The following HERC1 variants were observed in gnomAD, a reference collection of about 807,000 sequenced individuals.
HERC1 encodes probable E3 ubiquitin-protein ligase HERC1.
Under a neutral mutation model 554.3 loss-of-function variants are expected in HERC1, and 160 were observed. That is an observed-to-expected ratio of 0.29 (90% CI 0.25 to 0.33). The LOEUF is 0.33. HERC1 is among the 10% of genes least tolerant of loss of function. HERC1 has a pLI of 1.00. For synonymous variants in HERC1, 2,175 were observed against 2,131.7 expected (o/e 1.02, Z -0.56); for missense variants, 4,919 against 5,918.5 (o/e 0.83, Z 5.54).
intron 1 of HERC1, among the ~76,000 whole-genome samples, chr15:63,811,110 C>T (rs1406098610): frequency 1.3e-5 from 2 of 151,572 alleles, no homozygotes; most frequent in Non-Finnish European, 2.9e-5. Flanking sequence ...GATCCTGGAC[C>T]CGAAAAAAAC....
rs149515322 is a variant in HERC1 at position 63,608,648 on chromosome 15, C to T, written c.*433G>A. ...TTCCTGAATCTGCTTTATTTCTCTG[C>T]ATAAGGAACCCTGAACAGGCAATTC... On this transcript the variant is annotated 3_prime_UTR_variant, in exon 78 of 78. Transcript: ENST00000443617. 7.9e-3 allele frequency: 1,227 copies of T among 155,854 alleles called. 10 individuals carry two copies. Among genetic ancestry groups the T allele is most frequent in the Non-Finnish European group, 0.011 (802 of 70,118 alleles). 9.7% of individuals were successfully genotyped at this position (155,854 alleles called of 1,614,324 possible).
rs1248182157 is a variant in HERC1, at chr15:63,674,744, T to C, written c.7444A>G (p.Thr2482Ala). The C allele has an allele frequency of 3.1e-6, 5 of 1,613,692 alleles. No homozygotes were observed. The highest frequency in any genetic ancestry group is 1.3e-5 in the African/African-American group (1 of 74,900). ...TCATGATTTTTTCTTTTCCCTTCTG[T>C]TATTTGATGTTGGGATTCCACACTT... ...LPSVESQHQI[T>A]EGKRKNHEHM... The change falls in exon 38 of 78, where the codon ACA (threonine) becomes GCA (alanine). Residue 2482 changes from threonine to alanine, a missense_variant. Thr to Ala is a moderately conservative substitution (Grantham distance 58). This residue lies in a region of HERC1 where 1,963 missense variants were observed against 2,228.6 expected (regional missense o/e 0.88). Coordinates refer to ENST00000443617, the MANE Select transcript of HERC1 (RefSeq NM_003922.4).
In HERC1 at chr15:63,635,860, A is replaced by G. The variant is rs538080246; in HGVS notation, c.12414+101T>C. ...AATGGATCTCTTATAATTACTGTGT[A>G]ATATATTTTTACTATATTTTCTGTT... On this transcript the variant is annotated intron_variant, in intron 65 of 77. Coordinates refer to ENST00000443617, the MANE Select transcript of HERC1 (RefSeq NM_003922.4). 5.8e-6 allele frequency: 7 copies of G among 1,206,898 alleles called. No homozygotes were observed. In the African/African-American group the frequency reaches 1.1e-4, roughly 18 times the overall value. The allele number at this position is 1,206,898 out of a possible 1,614,324, so 74.8% of individuals were successfully genotyped here. A position where few individuals can be genotyped will look rare whatever the true frequency, so the allele number is the denominator to read the frequency against.
chr15:63,692,465 A>T lies in HERC1; in HGVS notation c.5776T>A (p.Ser1926Thr). The T allele has an allele frequency of 2.5e-6, 4 of 1,613,340 alleles. No individual in the cohort carries two copies. The highest frequency in any genetic ancestry group is 3.4e-6 in the Non-Finnish European group (4 of 1,179,690). The change falls in exon 31 of 78, where the codon TCC becomes ACC. Residue 1926 changes from serine to threonine, a missense_variant. Transcript: ENST00000443617. This position sits in a 1 kb window ranked among gnomAD's most constrained non-coding sequence, Gnocchi z 4.7. Reference protein sequence around the residue: ...SSKAIQSKMASPKWTEVLLNI... With the variant: ...SSKAIQSKMATPKWTEVLLNI... ...AGAAGCACTTCGGTCCACTTTGGGGAAGCCATTTTTGATTGAATTGCTTTT... is the reference window on the plus strand; with the variant it reads ...AGAAGCACTTCGGTCCACTTTGGGGTAGCCATTTTTGATTGAATTGCTTTT...
At chr15:63,766,354 G>A (rs1407551515) in intron 2 of HERC1, among the ~76,000 whole-genome samples, 8 of 152,056 alleles carry the variant, frequency 5.3e-5, no homozygotes, top group Non-Finnish European at 8.8e-5. Context: ...TTGGGAGGCT[G>A]AGGTGGGCAG....
In HERC1 at chr15:63,624,110, T is replaced by C. The variant is rs751745649; in HGVS notation, c.13445+48A>G. 16 of 1,496,480 alleles carry C rather than the reference T, an allele frequency of 1.1e-5. No homozygotes were observed. In the East Asian group the frequency reaches 3.6e-4, roughly 34 times the overall value. 92.7% of individuals were successfully genotyped at this position (1,496,480 alleles called of 1,614,324 possible). A position where few individuals can be genotyped will look rare whatever the true frequency, so the allele number is the denominator to read the frequency against. ...TCACAGAAATTAGTAATAACATCCA[T>C]CTGAAAAAATCACAGCTCATTAGTC... On this transcript the variant is annotated intron_variant, in intron 72 of 77. Transcript: ENST00000443617.
At chr15:63,642,148 G>A (rs2069096952) in intron 59 of HERC1, among the ~76,000 whole-genome samples, 1 of 152,134 alleles carries the variant, frequency 6.6e-6, no homozygotes. Context: ...AATCAAATCA[G>A]CACATCGGCT....
chr15:63,764,175 C>T lies in HERC1; in HGVS notation c.947G>A (p.Arg316Gln), dbSNP rs942202203. ...TCTGGTTGGTTCTCTCCACTGACTC[C>T]GATCAGCAGATGAACCCTATAATTA... ...MRRSLGSSAD[R>Q]SQWREPTRTS... Residue 316 changes from arginine to glutamine, a missense_variant, in exon 3 of 78, where the codon CGG (arginine) becomes CAG (glutamine). Arg to Gln is a conservative substitution (Grantham distance 43). Around this residue, in one of 11 missense-constraint regions of HERC1, gnomAD observed 744 missense variants for 1,090.0 expected, o/e 0.68. Transcript: ENST00000443617. 16 of 1,608,652 alleles carry T rather than the reference C, an allele frequency of 9.9e-6. No individual in the cohort carries two copies. Among genetic ancestry groups the T allele is most frequent in the South Asian group, 6.7e-5 (6 of 90,054 alleles).
In HERC1 at chr15:63,694,505, C is replaced by T. The variant is rs1404728534; in HGVS notation, c.5287G>A (p.Val1763Ile). 3 of 1,614,040 alleles carry T rather than the reference C, an allele frequency of 1.9e-6. No individual in the cohort carries two copies. Among genetic ancestry groups the T allele is most frequent in the Non-Finnish European group, 2.5e-6 (3 of 1,179,888 alleles). Residue 1763 changes from valine to isoleucine, a missense_variant, in exon 29 of 78, where the codon GTT (valine) becomes ATT (isoleucine). Transcript: ENST00000443617. This position sits in a 1 kb window ranked among gnomAD's most constrained non-coding sequence, Gnocchi z 4.3. ...LLLVTVFALS[V>I]HYQPVDVSLA... ...GAAACATCTACTGGTTGATAATGAA[C>T]ACTTAGGGCAAAAACTGTAACCAGA...
intron 25 of HERC1, among the ~76,000 whole-genome samples, chr15:63,704,047 G>A (rs915729654): frequency 6.6e-6 from 1 of 152,118 alleles, no homozygotes; most frequent in Non-Finnish European, 1.5e-5. Flanking sequence ...AGACTTGGCA[G>A]GTTCAACTGC....
At position 63,612,286 on chromosome 15, in the gene HERC1, T is replaced by C. The variant is rs1237911941; in HGVS notation, c.14365A>G (p.Ile4789Val). ...TTCATGATTTGAAATCTCTGAGAAATGTCAGCAGTGTTGGCTGGTAGTCGA... is the reference window on the plus strand; with the variant it reads ...TTCATGATTTGAAATCTCTGAGAAACGTCAGCAGTGTTGGCTGGTAGTCGA... Reference protein sequence around the residue: ...RSRLPANTADISQRFQIMKVD... With the variant: ...RSRLPANTADVSQRFQIMKVD... The change falls in exon 77 of 78, where the codon ATT becomes GTT. Residue 4789 changes from isoleucine (I) to valine (V), a missense_variant. Physicochemically the swap from Ile to Val is conservative, Grantham distance 29. Coordinates refer to ENST00000443617, the MANE Select transcript of HERC1 (RefSeq NM_003922.4). This position sits in a 1 kb window ranked among gnomAD's most constrained non-coding sequence, Gnocchi z 5.0. 1.9e-6 allele frequency: 3 copies of C among 1,612,338 alleles called. No individual in the cohort carries two copies. The highest frequency in any genetic ancestry group is 2.2e-5 in the East Asian group (1 of 44,844).
chr15:63,694,167 A>T lies in HERC1; in HGVS notation c.5481-10T>A, dbSNP rs201249478. On this transcript the variant is annotated splice_polypyrimidine_tract_variant and intron_variant, in intron 29 of 77. Coordinates refer to ENST00000443617, the MANE Select transcript of HERC1 (RefSeq NM_003922.4). The surrounding 1 kb of genome is among the most constrained non-coding windows in gnomAD (Gnocchi z 4.3). ...TTTATCAGCATAGGTCCTATGTGAA[A>T]TAAAAGAAAAAAATAAGTGGCAAAC... 3.3e-5 allele frequency: 52 copies of T among 1,584,232 alleles called. No homozygotes were observed. The Middle Eastern group carries it at 1.7e-3, about 51-fold the overall frequency.
intron 1 of HERC1, among the ~76,000 whole-genome samples, chr15:63,816,107 T>C (rs2077485314): frequency 6.6e-6 from 1 of 152,028 alleles, no homozygotes; most frequent in South Asian, 2.1e-4. Flanking sequence ...ACCTAACATT[T>C]CCCAAAACTT....
intron 1 of HERC1, among the ~76,000 whole-genome samples, chr15:63,813,448 T>G (rs1177042595): frequency 6.6e-6 from 1 of 152,046 alleles, no homozygotes; most frequent in Non-Finnish European, 1.5e-5. Flanking sequence ...GAGTTACTTA[T>G]CTTTTAATCT....
intron 12 of HERC1, among the ~76,000 whole-genome samples, chr15:63,739,732 G>A (rs941728677): frequency 7.9e-5 from 12 of 151,914 alleles, no homozygotes; most frequent in African/African-American, 2.4e-4. Context: ...CCGGCTACTC[G>A]GGAGGCGAGG....
chr15:63,757,262 CTTTTTTTTTT>C (rs56196711), intron 4 of HERC1, among the ~76,000 whole-genome samples: 1 of 107,880 alleles, frequency 9.3e-6, no homozygotes, highest in Non-Finnish European at 1.8e-5. Context: ...TTTTTATTTA[CTTTTTTTTTT>C]TTTTTTTTTT....
rs186715198 is a variant in HERC1, at chr15:63,679,981, T to C, written c.6549+96A>G. Reference sequence around the variant, plus strand: ...GATTACCTAAGTCAAGTACTTTTAATGGCAGAAGAAATAGCTTATTATATT... The same window carrying C: ...GATTACCTAAGTCAAGTACTTTTAACGGCAGAAGAAATAGCTTATTATATT... On this transcript the variant is annotated intron_variant, in intron 36 of 77. Coordinates refer to ENST00000443617, the MANE Select transcript of HERC1 (RefSeq NM_003922.4). 560 of 799,826 alleles carry C rather than the reference T, an allele frequency of 7.0e-4. 1 individual carries two copies. Among genetic ancestry groups the C allele is most frequent in the Non-Finnish European group, 9.9e-4 (512 of 516,694 alleles). 49.5% of individuals were successfully genotyped at this position (799,826 alleles called of 1,614,324 possible). A position where few individuals can be genotyped will look rare whatever the true frequency, so the allele number is the denominator to read the frequency against.
At chr15:63,636,705 T>C (rs1163772960) in intron 64 of HERC1, among the ~76,000 whole-genome samples, 1 of 152,242 alleles carries the variant, frequency 6.6e-6, no homozygotes, top group Non-Finnish European at 1.5e-5. Context: ...GGCTATGCTC[T>C]AGCCACTCCT....
chr15:63,761,392 C>A lies in HERC1; in HGVS notation c.1026+2704G>T, dbSNP rs190610784. Among the ~76,000 whole-genome samples, 39 of 152,170 alleles carry A rather than the reference C, an allele frequency of 2.6e-4. 1 individual carries two copies. In the East Asian group the frequency reaches 3.9e-3, roughly 15 times the overall value. On this transcript the variant is annotated intron_variant, in intron 3 of 77. Transcript: ENST00000443617. ...CTCAGGAGTTTAAGACCAGTCTGGG[C>A]AACCATAGCAATACCTCATCTCTAC...
Sources: gnomAD v4.1 joint callset for allele counts (sites outside exome capture counted in the v4.1 genomes callset) on GRCh38, gnomAD v4.1.1 for gene constraint, gnomAD v4.1.1 regional missense constraint, Gnocchi (gnomAD v3.1) non-coding constraint, MANE v1.5 for transcripts, NCBI Gene and HGNC (gene_info 2026-07-23, HGNC 2026-07-21) for gene names.